ZNF705B: variants seen among roughly 807,000 people sequenced by gnomAD.
ZNF705B encodes zinc finger protein 705B.
A neutral mutation model predicts 10.5 loss-of-function variants in ZNF705B; 1 was observed. That is an observed-to-expected ratio of 0.10 (90% CI 0.03 to 0.45). The LOEUF is 0.45. ZNF705B is among the 20% of genes least tolerant of loss of function. The probability of loss-of-function intolerance (pLI) is 0.97; values close to 1 mark genes in which losing one functional copy is unlikely to be tolerated. For missense variants in ZNF705B, 14 were observed against 84.0 expected (o/e 0.17, Z 3.26); for synonymous variants, 4 against 25.4 (o/e 0.16, Z 2.53).
chr8:7,933,929 C>A (rs867717334), intron 2 of ZNF705B, among the ~76,000 whole-genome samples: 1 of 29,362 alleles, frequency 3.4e-5, no homozygotes, highest in African/African-American at 7.8e-5. Flanking sequence ...GTAATATAAA[C>A]TTTTTTTTTT....
intron 2 of ZNF705B, among the ~76,000 whole-genome samples, chr8:7,932,801 T>A (rs1241989443): frequency 9.0e-6 from 1 of 110,854 alleles, no homozygotes; most frequent in Non-Finnish European, 2.2e-5. Flanking sequence ...ATCTTGATTC[T>A]ATACTCTTTC....
At position 7,933,929 on chromosome 8, in the gene ZNF705B, C is replaced by CTTTTTTTTTTTTTTTTT. The variant is rs1162997944; in HGVS notation, c.-72+3506_-72+3522dup. ...ATCAAGTCATAACATGTAATATAAA[C>CTTTTTTTTTTTTTTTTT]TTTTTTTTTTTTTTTTTTTTTTTTT... On this transcript the variant is annotated intron_variant, in intron 2 of 6. Coordinates refer to ENST00000400120, the MANE Select transcript of ZNF705B (RefSeq NM_001193630.1). Among the ~76,000 whole-genome samples the CTTTTTTTTTTTTTTTTT allele has an allele frequency of 6.8e-4, 20 of 29,364 alleles. 1 individual carries two copies. Among genetic ancestry groups the CTTTTTTTTTTTTTTTTT allele is most frequent in the African/African-American group, 1.5e-3 (19 of 12,816 alleles). The allele number at this position is 29,364 out of a possible 152,430, so 19.3% of individuals were successfully genotyped here.
At chr8:7,932,706 G>A (rs1460367704) in intron 2 of ZNF705B, among the ~76,000 whole-genome samples, 6 of 119,796 alleles carry the variant, frequency 5.0e-5, no homozygotes, top group African/African-American at 1.5e-4. Flanking sequence ...GAGATTTCGA[G>A]TAGTCCATGT....
chr8:7,926,895 A>C (rs1819705504), intron 1 of ZNF705B, among the ~76,000 whole-genome samples: 1 of 111,468 alleles, frequency 9.0e-6, no homozygotes, highest in Non-Finnish European at 2.1e-5. Flanking sequence ...AGCAAGAAAG[A>C]CTGTAAAATA....
At position 7,931,620 on chromosome 8, in the gene ZNF705B, G is replaced by A. The variant is rs1819852390; in HGVS notation, c.-72+1184G>A. Reference sequence around the variant, plus strand: ...TGACAGCAATGGGTGGGATGGGCCTGTGCTCTGGCCCTGGAATAGTGCCCA... The same window carrying A: ...TGACAGCAATGGGTGGGATGGGCCTATGCTCTGGCCCTGGAATAGTGCCCA... On this transcript the variant is annotated intron_variant, in intron 2 of 6. Coordinates refer to ENST00000400120, the MANE Select transcript of ZNF705B (RefSeq NM_001193630.1). 3.3e-5 allele frequency among the ~76,000 whole-genome samples: 4 copies of A among 122,248 alleles called. 1 individual carries two copies. The highest frequency in any genetic ancestry group is 7.9e-5 in the Non-Finnish European group (4 of 50,764). The allele number at this position is 122,248 out of a possible 152,430, so 80.2% of individuals were successfully genotyped here. A position where few individuals can be genotyped will look rare whatever the true frequency, so the allele number is the denominator to read the frequency against.
chr8:7,930,996 C>T (rs1819832274), intron 2 of ZNF705B, among the ~76,000 whole-genome samples: 1 of 122,816 alleles, frequency 8.1e-6, no homozygotes, highest in Non-Finnish European at 1.9e-5. Context: ...GCTGGGATTA[C>T]AGGCATGCGC....
chr8:7,929,225 C>G (rs1819777190), intron 1 of ZNF705B, among the ~76,000 whole-genome samples: 1 of 121,632 alleles, frequency 8.2e-6, no homozygotes, highest in African/African-American at 2.5e-5. Flanking sequence ...AGGCAGTTGA[C>G]AGAAAGTAAT....
At chr8:7,929,425 G>T (rs1199623034) in intron 1 of ZNF705B, among the ~76,000 whole-genome samples, 2 of 121,070 alleles carry the variant, frequency 1.7e-5, no homozygotes, top group African/African-American at 5.0e-5. Context: ...GAGGATAAAT[G>T]AATAAGTGGA....
At chr8:7,940,288 A>G (rs1201401036) in intron 2 of ZNF705B, among the ~76,000 whole-genome samples, 3 of 149,208 alleles carry the variant, frequency 2.0e-5, no homozygotes, top group Non-Finnish European at 4.5e-5. Flanking sequence ...AGCGATGATT[A>G]CATTTAAAAA....
intron 1 of ZNF705B, among the ~76,000 whole-genome samples, chr8:7,930,050 T>A (rs1819799443): frequency 9.5e-6 from 1 of 105,164 alleles, no homozygotes; most frequent in African/African-American, 2.7e-5. Context: ...GGGAATATGG[T>A]ATTATGTGGT....
intron 1 of ZNF705B, among the ~76,000 whole-genome samples, chr8:7,928,329 C>T (rs1220174902): frequency 8.3e-6 from 1 of 121,128 alleles, no homozygotes; most frequent in Non-Finnish European, 2.0e-5. Flanking sequence ...ATTCGGGCCA[C>T]AGCACTTCCT....
At position 7,935,030 on chromosome 8, in the gene ZNF705B, A is replaced by ACT. The variant is rs1554594795; in HGVS notation, c.-72+4601_-72+4602dup. On this transcript the variant is annotated intron_variant, in intron 2 of 6. Coordinates refer to ENST00000400120, the MANE Select transcript of ZNF705B (RefSeq NM_001193630.1). ...TTTTTATTCCTACACACACACACAC[A>ACT]CTCTCTCTATATGATAGATTATAAT... Among the ~76,000 whole-genome samples, 812 of 81,530 alleles carry ACT rather than the reference A, an allele frequency of 1.0e-2. 50 individuals are homozygous for ACT. Among genetic ancestry groups the ACT allele is most frequent in the African/African-American group, 0.022 (749 of 34,510 alleles). The allele number at this position is 81,530 out of a possible 152,430, so 53.5% of individuals were successfully genotyped here. A position where few individuals can be genotyped will look rare whatever the true frequency, so the allele number is the denominator to read the frequency against.
rs1820040948 is a variant in ZNF705B at position 7,937,229 on chromosome 8, T to G, written c.-72+6793T>G. 3.4e-5 allele frequency among the ~76,000 whole-genome samples: 4 copies of G among 118,840 alleles called. 2 individuals carry two copies. In the South Asian group the frequency reaches 1.2e-3, roughly 34 times the overall value. The allele number at this position is 118,840 out of a possible 152,430, so 78.0% of individuals were successfully genotyped here. ...CTTGGTATTCTGAGCCTCATTCTAT[T>G]TTCCACTCTTGCCCTCTCTCTGTGT... On this transcript the variant is annotated intron_variant, in intron 2 of 6. Coordinates refer to ENST00000400120, the MANE Select transcript of ZNF705B (RefSeq NM_001193630.1).
intron 2 of ZNF705B, among the ~76,000 whole-genome samples, chr8:7,932,315 T>G (rs1257105860): frequency 8.3e-6 from 1 of 121,070 alleles, no homozygotes; most frequent in African/African-American, 2.5e-5. Flanking sequence ...GCCTCAGAGA[T>G]TCCTCGTCAA....
chr8:7,930,767 C>T (rs1438626774), intron 2 of ZNF705B, among the ~76,000 whole-genome samples: 1 of 114,852 alleles, frequency 8.7e-6, no homozygotes, highest in African/African-American at 2.6e-5. Context: ...AACGACAACA[C>T]TAATACTAAT....
At chr8:7,929,340 T>C (rs1388662978) in intron 1 of ZNF705B, among the ~76,000 whole-genome samples, 1 of 121,300 alleles carries the variant, frequency 8.2e-6, no homozygotes, top group Non-Finnish European at 2.0e-5. Context: ...ATGGAAGAAA[T>C]AAAAAATGTT....
chr8:7,936,143 G>C lies in ZNF705B; in HGVS notation c.-72+5707G>C, dbSNP rs1231697501. On this transcript the variant is annotated intron_variant, in intron 2 of 6. Transcript: ENST00000400120. Reference sequence around the variant, plus strand: ...TATTCCAGAATCTGATTAAAGTCTTGGCTTATAATAGCTATTCAGTAAATG... The same window carrying C: ...TATTCCAGAATCTGATTAAAGTCTTCGCTTATAATAGCTATTCAGTAAATG... Among the ~76,000 whole-genome samples, 2 of 109,968 alleles carry C rather than the reference G, an allele frequency of 1.8e-5. 1 individual carries two copies. The highest frequency in any genetic ancestry group is 4.4e-5 in the Non-Finnish European group (2 of 45,920). The allele number at this position is 109,968 out of a possible 152,430, so 72.1% of individuals were successfully genotyped here. A position where few individuals can be genotyped will look rare whatever the true frequency, so the allele number is the denominator to read the frequency against.
intron 1 of ZNF705B, among the ~76,000 whole-genome samples, chr8:7,926,730 TC>T (rs1293772268): frequency 1.8e-5 from 2 of 113,874 alleles, no homozygotes; most frequent in Admixed American, 1.0e-4. Flanking sequence ...ATGCAGACTT[TC>T]CCCCTTTGTT....
At position 7,929,756 on chromosome 8, in the gene ZNF705B, A is replaced by G. The variant is rs1819790268; in HGVS notation, c.-221-531A>G. Among the ~76,000 whole-genome samples the G allele has an allele frequency of 1.8e-5, 2 of 113,150 alleles. 1 individual carries two copies. The allele number at this position is 113,150 out of a possible 152,430, so 74.2% of individuals were successfully genotyped here. A position where few individuals can be genotyped will look rare whatever the true frequency, so the allele number is the denominator to read the frequency against. ...CTTTGAGTGGAGTCATTTGCTCTTGAGAAGAAGCATCACCACTAAAGGATG... is the reference window on the plus strand; with the variant it reads ...CTTTGAGTGGAGTCATTTGCTCTTGGGAAGAAGCATCACCACTAAAGGATG... On this transcript the variant is annotated intron_variant, in intron 1 of 6. Coordinates refer to ENST00000400120, the MANE Select transcript of ZNF705B (RefSeq NM_001193630.1).
Sources: gnomAD v4.1 joint callset for allele counts (sites outside exome capture counted in the v4.1 genomes callset) on GRCh38, gnomAD v4.1.1 for gene constraint, MANE v1.5 for transcripts, NCBI Gene and HGNC (gene_info 2026-07-23, HGNC 2026-07-21) for gene names.